TSPEAR: variants seen among roughly 807,000 people sequenced by gnomAD.
TSPEAR encodes the protein thrombospondin-type laminin G domain and EAR repeat-containing protein.
In TSPEAR, 69 loss-of-function variants were observed where a neutral mutation model predicts 71.6. The ratio of observed to expected loss-of-function variants is 0.96; its 90% CI spans 0.79 to 1.18. The LOEUF is 1.18. Among genes scored for constraint, TSPEAR ranks in the 50% most tolerant of loss-of-function variants. The pLI, the probability that TSPEAR is intolerant of heterozygous loss-of-function variation, is 0.00. For synonymous variants in TSPEAR, 402 were observed against 387.2 expected, an observed-to-expected ratio of 1.04 and a Z score of -0.45; for missense variants, 971 against 894.9, an observed-to-expected ratio of 1.09 and a Z score of -1.09.
rs1008927364 is a variant in TSPEAR, at chr21:44,711,453, T to A, written c.62A>T (p.Gln21Leu). 1.9e-6 allele frequency: 3 copies of A among 1,609,510 alleles called. No individual in the cohort carries two copies. Among genetic ancestry groups the A allele is most frequent in the Non-Finnish European group, 2.5e-6 (3 of 1,178,454 alleles). ...CTTACCTGTGCAGGGCTCCCAACCC[T>A]GCGTGCCGTGGCCGGGGGCCGCCAG... ...LPLAAPGHGTQGWEPCTDLRP... is the reference protein window; with the variant it reads ...LPLAAPGHGTLGWEPCTDLRP... Residue 21 changes from glutamine to leucine, a missense_variant, in exon 1 of 12, where the codon CAG becomes CTG. Physicochemically the swap from Gln to Leu is moderately radical, Grantham distance 113. Coordinates refer to ENST00000323084, the MANE Select transcript of TSPEAR (RefSeq NM_144991.3). The surrounding 1 kb of genome is among the most constrained non-coding windows in gnomAD (Gnocchi z 4.5).
intron 1 of TSPEAR, chr21:44,702,305 G>C: frequency 6.2e-7 from 1 of 1,609,914 alleles, no homozygotes; most frequent in East Asian, 2.2e-5. Context: ...GCCAGCTGCT[G>C]TGCCCCGGCC....
chr21:44,612,151 G>A lies in TSPEAR; in HGVS notation c.83-44146C>T, dbSNP rs1555931079. The A allele has an allele frequency of 3.1e-6, 5 of 1,614,084 alleles. No individual in the cohort carries two copies. The highest frequency in any genetic ancestry group is 3.4e-6 in the Non-Finnish European group (4 of 1,179,992). ...CGTATGTGATTGCTGCATCCACCATGTCTGTCTGCTCCAGTGACGTGGGCC... is the reference window on the plus strand; with the variant it reads ...CGTATGTGATTGCTGCATCCACCATATCTGTCTGCTCCAGTGACGTGGGCC... On this transcript the variant is annotated intron_variant, in intron 1 of 11. Coordinates refer to ENST00000323084, the MANE Select transcript of TSPEAR (RefSeq NM_144991.3). This position sits in a 1 kb window ranked among gnomAD's most constrained non-coding sequence, Gnocchi z 4.1.
chr21:44,559,522 C>T (rs1555920679), intron 2 of TSPEAR, among the ~76,000 whole-genome samples: 1 of 152,198 alleles, frequency 6.6e-6, no homozygotes, highest in Non-Finnish European at 1.5e-5. Flanking sequence ...TCTCACATCT[C>T]GGGCAACATC....
chr21:44,672,387 G>C (rs587659011), intron 1 of TSPEAR, among the ~76,000 whole-genome samples: 1 of 152,214 alleles, frequency 6.6e-6, no homozygotes, highest in African/African-American at 2.4e-5. Context: ...TGGCTAACAC[G>C]GTGAAACCCC....
intron 2 of TSPEAR, among the ~76,000 whole-genome samples, chr21:44,561,843 A>T (rs2053638205): frequency 2.0e-5 from 3 of 152,212 alleles, no homozygotes; most frequent in Admixed American, 2.0e-4. Context: ...AAATAATAAG[A>T]GGTATTTATG....
rs1433246013 is a variant in TSPEAR, at chr21:44,506,644, C to T, written c.1755-1763G>A. ...GGTGGGTTATGATTTGGTTCCCATG[C>T]AGCCCGTGCCAGCTCGCTGGGAGGA... On this transcript the variant is annotated intron_variant, in intron 10 of 11. Coordinates refer to ENST00000323084, the MANE Select transcript of TSPEAR (RefSeq NM_144991.3). This position sits in a 1 kb window ranked among gnomAD's most constrained non-coding sequence, Gnocchi z 4.2. 6.6e-6 allele frequency among the ~76,000 whole-genome samples: 1 copy of T among 152,238 alleles called. No homozygotes were observed. The highest frequency in any genetic ancestry group is 1.9e-4 in the East Asian group (1 of 5,194).
rs1225053213 is a variant in TSPEAR at position 44,695,717 on chromosome 21, G to C, written c.82+15716C>G. On this transcript the variant is annotated intron_variant, in intron 1 of 11. Coordinates refer to ENST00000323084, the MANE Select transcript of TSPEAR (RefSeq NM_144991.3). The surrounding 1 kb of genome is among the most constrained non-coding windows in gnomAD (Gnocchi z 4.5). ...GGATGACAGCTAACACTCCACGCCA[G>C]GGTTCTCATCTCACCGCAGCGGGAC... Among the ~76,000 whole-genome samples, 2 of 152,198 alleles carry C rather than the reference G, an allele frequency of 1.3e-5. No homozygotes were observed. Among genetic ancestry groups the C allele is most frequent in the African/African-American group, 4.8e-5 (2 of 41,448 alleles).
Position 44,529,915 on chromosome 21 carries a change from C to T in TSPEAR, c.673G>A (p.Ala225Thr), listed in dbSNP as rs146216896. The change falls in exon 5 of 12, where the codon GCC (alanine) becomes ACC (threonine). Residue 225 changes from alanine (A) to threonine (T), a missense_variant. Physicochemically the swap from Ala to Thr is moderately conservative, Grantham distance 58. Transcript: ENST00000323084. ...RQLVLLPGSD[A>T]TPRLCPSRNA... ...CTGCTGGGACACAGCCTTGGGGTGG[C>T]GTCTGAGCCCGGCAGCAGGACCAGT... The T allele has an allele frequency of 5.8e-5, 94 of 1,609,834 alleles. No homozygotes were observed. Among genetic ancestry groups the T allele is most frequent in the African/African-American group, 6.7e-5 (5 of 74,848 alleles).
chr21:44,616,831 G>A (rs1010245850), intron 1 of TSPEAR, among the ~76,000 whole-genome samples: 7 of 152,190 alleles, frequency 4.6e-5, no homozygotes, highest in East Asian at 1.9e-4. Flanking sequence ...CCTCTGCTCC[G>A]GTCACGCCTG....
intron 1 of TSPEAR, among the ~76,000 whole-genome samples, chr21:44,575,785 C>T (rs1978395261): frequency 6.6e-6 from 1 of 152,118 alleles, no homozygotes; most frequent in Non-Finnish European, 1.5e-5. Flanking sequence ...ACATCACTGG[C>T]ATGGTGGGAG....
chr21:44,652,053 G>A (rs992046967), intron 1 of TSPEAR, among the ~76,000 whole-genome samples: 16 of 146,858 alleles, frequency 1.1e-4, no homozygotes, highest in Admixed American at 5.6e-4. Context: ...GCGCGATCTC[G>A]GCTCACTGCA....
chr21:44,608,724 G>T (rs1555930274), intron 1 of TSPEAR, among the ~76,000 whole-genome samples: 1 of 152,152 alleles, frequency 6.6e-6, no homozygotes, highest in Admixed American at 6.5e-5. Flanking sequence ...AATTTTAAAA[G>T]ACTGATCAAC....
chr21:44,643,735 A>C (rs1555938957), intron 1 of TSPEAR, among the ~76,000 whole-genome samples: 1 of 152,184 alleles, frequency 6.6e-6, no homozygotes. Context: ...ATACACAAAC[A>C]AACTCACTCC....
intron 1 of TSPEAR, among the ~76,000 whole-genome samples, chr21:44,664,888 G>C (rs1437272644): frequency 6.6e-6 from 1 of 152,234 alleles, no homozygotes; most frequent in Non-Finnish European, 1.5e-5. Context: ...GCTGAGCCAG[G>C]CCTCATCCAT....
chr21:44,692,173 A>C (rs781878194), intron 1 of TSPEAR, among the ~76,000 whole-genome samples: 2 of 152,310 alleles, frequency 1.3e-5, no homozygotes, highest in Admixed American at 6.5e-5. Context: ...ATTTTAAAAC[A>C]CTCAGAAAAC....
intron 1 of TSPEAR, among the ~76,000 whole-genome samples, chr21:44,707,736 T>C (rs1204164585): frequency 4.6e-5 from 7 of 152,126 alleles, no homozygotes; most frequent in African/African-American, 1.7e-4. Flanking sequence ...AGATTTGTTT[T>C]CTGAGAGACA....
At chr21:44,684,883 G>T (rs1309253747) in intron 1 of TSPEAR, among the ~76,000 whole-genome samples, 7 of 152,222 alleles carry the variant, frequency 4.6e-5, no homozygotes, top group Admixed American at 4.6e-4. Flanking sequence ...AGGTCACATA[G>T]GAACATGTGA....
intron 1 of TSPEAR, among the ~76,000 whole-genome samples, chr21:44,590,548 C>T (rs151215294): frequency 0.018 from 2,752 of 150,158 alleles, 72 homozygotes; most frequent in African/African-American, 0.062. Context: ...CAGAACCCCA[C>T]GAATACTGGG....
At chr21:44,601,596 C>T in intron 1 of TSPEAR, 1 of 1,613,596 alleles carries the variant, frequency 6.2e-7, no homozygotes, top group Non-Finnish European at 8.5e-7. Context: ...GCGTGCCCGT[C>T]CCCTCCTGCT....
Sources: gnomAD v4.1 joint callset for allele counts (sites outside exome capture counted in the v4.1 genomes callset) on GRCh38, gnomAD v4.1.1 for gene constraint, Gnocchi (gnomAD v3.1) non-coding constraint, MANE v1.5 for transcripts, NCBI Gene and HGNC (gene_info 2026-07-23, HGNC 2026-07-21) for gene names.